The following RANBP2 variants were observed in gnomAD, a reference collection of about 807,000 sequenced individuals.
The protein encoded by RANBP2 is RAN binding protein 2, also known as E3 SUMO-protein ligase RanBP2.
A neutral mutation model predicts 303.6 loss-of-function variants in RANBP2; 57 were observed. That is an observed-to-expected ratio of 0.19 (90% CI 0.15 to 0.23). The LOEUF is 0.23. Ranked by LOEUF, RANBP2 falls within the 10% of genes least tolerant of loss-of-function variation. The pLI is 1.00. For synonymous variants in RANBP2, 1,167 were observed against 1,301.5 expected, an observed-to-expected ratio of 0.90 and a Z score of 2.23; for missense variants, 3,138 against 3,780.8, an observed-to-expected ratio of 0.83 and a Z score of 4.46.
At chr2:109,633,425 A>AAAACC in the RANBP2 span, among the ~76,000 whole-genome samples, 2 of 151,928 alleles carry the variant, frequency 1.3e-5, no homozygotes, top group South Asian at 4.2e-4. Flanking sequence ...AAAACAAAAC[A>AAAACC]AAAAAACAGA....
chr2:108,739,509 C>T (rs1289027870), intron 6 of RANBP2, among the ~76,000 whole-genome samples: 2 of 152,066 alleles, frequency 1.3e-5, no homozygotes, highest in African/African-American at 2.4e-5. Flanking sequence ...CTTCATGGAT[C>T]CCCTGAAGGG....
At chr2:109,011,591 C>T in the RANBP2 span, among the ~76,000 whole-genome samples, 2 of 152,126 alleles carry the variant, frequency 1.3e-5, no homozygotes, top group Non-Finnish European at 2.9e-5. Flanking sequence ...GACGAGATAC[C>T]CACCTTCATT....
At chr2:108,846,797 A>T in the RANBP2 span, 7 of 1,612,652 alleles carry the variant, frequency 4.3e-6, no homozygotes, top group Admixed American at 1.2e-4. Context: ...AAGGAGTGGT[A>T]ACTAAAGGAA....
chr2:109,626,894 G>A, the RANBP2 span, among the ~76,000 whole-genome samples: 1 of 152,356 alleles, frequency 6.6e-6, no homozygotes, highest in African/African-American at 2.4e-5. Context: ...AGCTTTGTGG[G>A]TGTCCATAAC....
chr2:108,870,206 A>G, the RANBP2 span, among the ~76,000 whole-genome samples: 25 of 152,376 alleles, frequency 1.6e-4, no homozygotes, highest in African/African-American at 5.3e-4. Context: ...TGGAAAATAC[A>G]GTAGCTGAAT....
At chr2:109,598,900 A>T in the RANBP2 span, among the ~76,000 whole-genome samples, 4 of 152,002 alleles carry the variant, frequency 2.6e-5, no homozygotes, top group Admixed American at 2.6e-4. Context: ...AAAAATAAAA[A>T]AAAAATTATT....
chr2:109,196,137 G>A, the RANBP2 span, among the ~76,000 whole-genome samples: 1 of 152,228 alleles, frequency 6.6e-6, no homozygotes, highest in Non-Finnish European at 1.5e-5. Context: ...GCAGGCACAC[G>A]TCCCACTCAG....
the RANBP2 span, among the ~76,000 whole-genome samples, chr2:108,809,796 TTTTGTTTGTTTG>T: frequency 3.2e-4 from 48 of 150,794 alleles, 1 homozygote; most frequent in South Asian, 9.4e-3. Flanking sequence ...CATTTCCAAT[TTTTGTTTGTTTG>T]TTTGTTTGTT....
chr2:108,730,909 G>C, intron 3 of RANBP2, 24 bp downstream of exon 3: 3 of 1,611,354 alleles, frequency 1.9e-6, no homozygotes, highest in Non-Finnish European at 2.5e-6. Context: ...TTCAAATATA[G>C]CCTTTGCATA....
chr2:108,731,648 A>G (rs1573704292), intron 4 of RANBP2, 174 bp downstream of exon 4: 6 of 1,257,200 alleles, frequency 4.8e-6, no homozygotes, highest in Admixed American at 5.6e-5. Flanking sequence ...CTTATTAGGC[A>G]TTGTTATACT....
the RANBP2 span, among the ~76,000 whole-genome samples, chr2:109,156,267 C>A: frequency 2.0e-5 from 3 of 152,162 alleles, no homozygotes; most frequent in Non-Finnish European, 4.4e-5. Flanking sequence ...GTCCAACCAC[C>A]AGAGATCGAG....
chr2:109,219,693 C>T, the RANBP2 span, among the ~76,000 whole-genome samples: 1 of 152,186 alleles, frequency 6.6e-6, no homozygotes, highest in Non-Finnish European at 1.5e-5. Flanking sequence ...AATTTGCAAT[C>T]TCATCAAAAA....
At chr2:109,620,520 G>T in the RANBP2 span, among the ~76,000 whole-genome samples, 1 of 152,164 alleles carries the variant, frequency 6.6e-6, no homozygotes, top group Non-Finnish European at 1.5e-5. Flanking sequence ...TGGCCAACAT[G>T]GTGAAACCCA....
the RANBP2 span, among the ~76,000 whole-genome samples, chr2:109,117,094 C>T: frequency 1.3e-5 from 2 of 152,258 alleles, no homozygotes; most frequent in African/African-American, 2.4e-5. Flanking sequence ...CAGGGACCCA[C>T]TTGAAGAGGC....
chr2:109,582,466 C>T, the RANBP2 span, among the ~76,000 whole-genome samples: 794 of 152,120 alleles, frequency 5.2e-3, 9 homozygotes, highest in African/African-American at 0.018. Flanking sequence ...AGTATAGGTG[C>T]CCACCAACAT....
At chr2:109,632,693 G>C in the RANBP2 span, among the ~76,000 whole-genome samples, 2 of 151,944 alleles carry the variant, frequency 1.3e-5, no homozygotes, top group East Asian at 3.9e-4. Context: ...GGTGGCGGGC[G>C]CCTGTAGTCC....
chr2:109,623,792 AT>A, the RANBP2 span, among the ~76,000 whole-genome samples: 38 of 152,222 alleles, frequency 2.5e-4, no homozygotes, highest in African/African-American at 8.9e-4. Context: ...GGATACCACC[AT>A]GGAAGCCAAA....
At chr2:109,200,403 C>CT in the RANBP2 span, among the ~76,000 whole-genome samples, 2 of 152,182 alleles carry the variant, frequency 1.3e-5, no homozygotes, top group African/African-American at 4.8e-5. Context: ...GTCTTTCTCT[C>CT]TTTCCCTCCA....
the RANBP2 span, among the ~76,000 whole-genome samples, chr2:109,694,972 C>T: frequency 3.8e-4 from 58 of 152,176 alleles, no homozygotes; most frequent in African/African-American, 1.3e-3. Context: ...CCTGTTCCAC[C>T]TCTTTCCCAG....
Sources: allele counts gnomAD v4.1 joint callset (sites outside exome capture counted in the v4.1 genomes callset), GRCh38; gene constraint gnomAD v4.1.1; transcripts MANE v1.5; gene names NCBI Gene and HGNC (gene_info 2026-07-23, HGNC 2026-07-21).